The following PRKN variants were observed in gnomAD, a reference collection of about 807,000 sequenced individuals.
PRKN encodes the protein parkin RBR E3 ubiquitin protein ligase, also known as E3 ubiquitin-protein ligase parkin.
PRKN carries 56 observed loss-of-function variants against 59.5 expected under a neutral mutation model. That is an observed-to-expected ratio of 0.94 (90% CI 0.76 to 1.18). PRKN has a LOEUF of 1.18. PRKN is among the 50% of genes most tolerant of loss of function. The pLI is 0.00. For missense variants in PRKN, 657 were observed against 596.4 expected, an observed-to-expected ratio of 1.10 and a Z score of -1.06; for synonymous variants, 250 against 222.1, an observed-to-expected ratio of 1.13 and a Z score of -1.12.
At chr6:161,818,930 G>C (rs6455774) in intron 6 of PRKN, among the ~76,000 whole-genome samples, 86,986 of 151,880 alleles carry the variant, frequency 0.57, 25,448 homozygotes, top group African/African-American at 0.67. Context: ...CAGGTGAAGA[G>C]GGCCTTATCC....
chr6:161,437,343 G>T (rs1788966686), intron 9 of PRKN, among the ~76,000 whole-genome samples: 1 of 152,180 alleles, frequency 6.6e-6, no homozygotes, highest in South Asian at 2.1e-4. Context: ...ACAAAGGGAG[G>T]ATCCACATCC....
chr6:162,412,601 G>C (rs1788405668), intron 2 of PRKN, among the ~76,000 whole-genome samples: 1 of 151,998 alleles, frequency 6.6e-6, no homozygotes, highest in Non-Finnish European at 1.5e-5. Flanking sequence ...TAAATTAAAA[G>C]AATTTCCCTT....
chr6:162,259,001 T>C lies in PRKN; in HGVS notation c.412+3524A>G, dbSNP rs116033138. On this transcript the variant is annotated intron_variant, in intron 3 of 11. Transcript: ENST00000366898. ...ACATATGAGGCTACAGCCCAGCTATTCACCCATTAGAGCCCTCCCACGTCC... is the reference window on the plus strand; with the variant it reads ...ACATATGAGGCTACAGCCCAGCTATCCACCCATTAGAGCCCTCCCACGTCC... Among the ~76,000 whole-genome samples, 135 of 152,312 alleles carry C rather than the reference T, an allele frequency of 8.9e-4. 1 individual carries two copies. Among genetic ancestry groups the C allele is most frequent in the African/African-American group, 3.0e-3 (125 of 41,564 alleles).
intron 4 of PRKN, among the ~76,000 whole-genome samples, chr6:162,155,808 A>G (rs1782487989): frequency 6.6e-6 from 1 of 152,128 alleles, no homozygotes; most frequent in Admixed American, 6.6e-5. Context: ...TAAGAAAAAA[A>G]AAAAAAAGAG....
At chr6:162,363,145 A>T (rs1415647253) in intron 2 of PRKN, among the ~76,000 whole-genome samples, 1 of 151,352 alleles carries the variant, frequency 6.6e-6, no homozygotes, top group African/African-American at 2.4e-5. Context: ...AAAAAAAAAA[A>T]AAAAAAAAAA....
chr6:161,959,815 T>C (rs1186274581), intron 6 of PRKN, among the ~76,000 whole-genome samples: 1 of 152,154 alleles, frequency 6.6e-6, no homozygotes, highest in African/African-American at 2.4e-5. Context: ...TTCACAGAAA[T>C]TAACTTATTT....
chr6:162,160,281 G>A (rs1400897198), intron 4 of PRKN, among the ~76,000 whole-genome samples: 4 of 152,064 alleles, frequency 2.6e-5, no homozygotes, highest in Admixed American at 6.6e-5. Flanking sequence ...TATATGGATG[G>A]CAAATAACAA....
At chr6:161,603,461 C>T (rs1252236543) in intron 7 of PRKN, among the ~76,000 whole-genome samples, 1 of 152,174 alleles carries the variant, frequency 6.6e-6, no homozygotes, top group South Asian at 2.1e-4. Flanking sequence ...CTTCAATGAC[C>T]TGTGGTGGAG....
Position 161,578,217 on chromosome 6 carries a change from C to T in PRKN, c.872-8801G>A, listed in dbSNP as rs2128137118. ...TTGAGGAATCCAAGCAGCTGCTTGG[C>T]TGCAGATGAGAATTGAAAGCACCTG... On this transcript the variant is annotated intron_variant, in intron 7 of 11. Transcript: ENST00000366898. The surrounding 1 kb of genome is among the most constrained non-coding windows in gnomAD (Gnocchi z 4.2). Among the ~76,000 whole-genome samples the T allele has an allele frequency of 6.6e-6, 1 of 152,254 alleles. No homozygotes were observed. Among genetic ancestry groups the T allele is most frequent in the East Asian group, 1.9e-4 (1 of 5,160 alleles).
intron 2 of PRKN, among the ~76,000 whole-genome samples, chr6:162,327,298 T>C: frequency 6.6e-6 from 1 of 152,212 alleles, no homozygotes; most frequent in Admixed American, 6.5e-5. Context: ...CACTTAATCC[T>C]GCAGCATAAG....
At chr6:161,896,891 A>G (rs915652620) in intron 6 of PRKN, among the ~76,000 whole-genome samples, 1 of 152,226 alleles carries the variant, frequency 6.6e-6, no homozygotes, top group Non-Finnish European at 1.5e-5. Flanking sequence ...AGAGGACAGA[A>G]GAAAACCCGT....
At position 161,480,064 on chromosome 6, in the gene PRKN, TTGA is replaced by T. The variant is rs1791315178; in HGVS notation, c.1083+68787_1083+68789del. Among the ~76,000 whole-genome samples the T allele has an allele frequency of 6.6e-6, 1 of 152,172 alleles. No homozygotes were observed. The highest frequency in any genetic ancestry group is 2.1e-4 in the South Asian group (1 of 4,826). ...AGGTGAGCCTCTGTCAGCCTCGGCC[TTGA>T]TGAGGAGGGCAGCCTTCAGCCGTGT... On this transcript the variant is annotated intron_variant, in intron 9 of 11. Coordinates refer to ENST00000366898, the MANE Select transcript of PRKN (RefSeq NM_004562.3). This position sits in a 1 kb window ranked among gnomAD's most constrained non-coding sequence, Gnocchi z 4.1.
At chr6:162,391,898 G>A (rs532689093) in intron 2 of PRKN, among the ~76,000 whole-genome samples, 1 of 152,256 alleles carries the variant, frequency 6.6e-6, no homozygotes, top group Admixed American at 6.5e-5. Flanking sequence ...CATTTTTCCT[G>A]AGAATAAATA....
intron 5 of PRKN, among the ~76,000 whole-genome samples, chr6:161,991,833 A>C (rs2128258646): frequency 6.6e-6 from 1 of 152,056 alleles, no homozygotes; most frequent in South Asian, 2.1e-4. Flanking sequence ...TGAGAGTGAA[A>C]CTCCGTCTCA....
chr6:161,916,420 CAAGT>C (rs1020839838), intron 6 of PRKN, among the ~76,000 whole-genome samples: 4 of 152,108 alleles, frequency 2.6e-5, no homozygotes, highest in African/African-American at 9.7e-5. Context: ...GAAAAGCAAA[CAAGT>C]AAGTAAAAAT....
At chr6:162,282,050 C>T (rs9355394) in intron 2 of PRKN, among the ~76,000 whole-genome samples, 9,191 of 152,206 alleles carry the variant, frequency 0.06, 451 homozygotes, top group African/African-American at 0.13. Flanking sequence ...GGAGCTCCAG[C>T]GTCATGCTCA....
Position 161,413,459 on chromosome 6 carries a change from G to T in PRKN, c.1084-26582C>A, listed in dbSNP as rs1787685728. ...CCGAATACATCAGAGAGGACATAGG[G>T]ATCTGGCCAGCTGGGAATGGAAGCC... On this transcript the variant is annotated intron_variant, in intron 9 of 11. Coordinates refer to ENST00000366898, the MANE Select transcript of PRKN (RefSeq NM_004562.3). This position sits in a 1 kb window ranked among gnomAD's most constrained non-coding sequence, Gnocchi z 4.4. 6.6e-6 allele frequency among the ~76,000 whole-genome samples: 1 copy of T among 152,216 alleles called. No individual in the cohort carries two copies. Among genetic ancestry groups the T allele is most frequent in the African/African-American group, 2.4e-5 (1 of 41,436 alleles).
rs1277919418 is a variant in PRKN at position 161,454,093 on chromosome 6, C to A, written c.1084-67216G>T. On this transcript the variant is annotated intron_variant, in intron 9 of 11. Coordinates refer to ENST00000366898, the MANE Select transcript of PRKN (RefSeq NM_004562.3). The surrounding 1 kb of genome is among the most constrained non-coding windows in gnomAD (Gnocchi z 4.6). ...AGCAAGCACAGACCACACATGGTTT[C>A]TTTTTATTTCTTTCTTTCTGAGATG... Among the ~76,000 whole-genome samples, 5 of 152,030 alleles carry A rather than the reference C, an allele frequency of 3.3e-5. No homozygotes were observed. The highest frequency in any genetic ancestry group is 4.4e-5 in the Non-Finnish European group (3 of 67,990).
chr6:162,657,671 C>A (rs566744201), intron 1 of PRKN, among the ~76,000 whole-genome samples: 1 of 152,080 alleles, frequency 6.6e-6, no homozygotes, highest in South Asian at 2.1e-4. Context: ...AAAGAAAACA[C>A]CTGTAATAAA....
Sources: allele counts gnomAD v4.1 joint callset (sites outside exome capture counted in the v4.1 genomes callset), GRCh38; gene constraint gnomAD v4.1.1; non-coding constraint Gnocchi (gnomAD v3.1); transcripts MANE v1.5; gene names NCBI Gene and HGNC (gene_info 2026-07-23, HGNC 2026-07-21).